Variants in NRK observed in about 807,000 individuals in gnomAD.
NRK encodes the protein Nik related kinase.
A neutral mutation model predicts 125.2 loss-of-function variants in NRK; 67 were observed. That is an observed-to-expected ratio of 0.54 (90% CI 0.44 to 0.66). The LOEUF (loss-of-function observed/expected upper bound fraction) is 0.66. Among genes scored for constraint, NRK ranks in the 30% least tolerant of loss-of-function variants. The probability of loss-of-function intolerance (pLI) is 0.00; values close to 1 mark genes in which losing one functional copy is unlikely to be tolerated. For missense variants in NRK, 1,224 were observed against 1,192.9 expected, an observed-to-expected ratio of 1.03 and a Z score of -0.38; for synonymous variants, 458 against 429.0, an observed-to-expected ratio of 1.07 and a Z score of -0.84.
At chrX:105,843,532 T>C (rs1449530355) in intron 2 of NRK, among the ~76,000 whole-genome samples, 3 of 112,421 alleles carry the variant, frequency 2.7e-5, no homozygotes, top group Non-Finnish European at 5.6e-5. Flanking sequence ...ATTCTGACTA[T>C]AAAAAGGTGG....
chrX:105,901,657 G>A (rs1215495510), intron 9 of NRK, among the ~76,000 whole-genome samples: 2 of 111,441 alleles, frequency 1.8e-5, no homozygotes, highest in Non-Finnish European at 3.8e-5. Context: ...CATAATTGTT[G>A]AAAATTCCTG....
rs1183896534 is a variant in NRK at position 105,949,725 on chromosome X, T to A, written c.4504T>A (p.Ser1502Thr). ...CCTTGAAATGTGGAAAGACATACCA[T>A]CTTCTATAGGTATGTATACAATTTA... is the stretch of plus-strand genomic sequence containing the variant. Reference protein sequence around the residue: ...KILEMWKDIPSSIAFECTQRT... With the variant: ...KILEMWKDIPTSIAFECTQRT... The change falls in exon 27 of 29, where the codon TCT (serine) becomes ACT (threonine). Residue 1502 changes from serine (S) to threonine (T), a missense_variant. Physicochemically the swap from Ser to Thr is moderately conservative, Grantham distance 58. Transcript: ENST00000243300. The A allele has an allele frequency of 1.7e-6, 2 of 1,182,855 alleles. No individual in the cohort carries two copies. Among genetic ancestry groups the A allele is most frequent in the Non-Finnish European group, 2.3e-6 (2 of 872,340 alleles).
chrX:105,853,659 A>G (rs1196549121), intron 2 of NRK, among the ~76,000 whole-genome samples: 1 of 112,432 alleles, frequency 8.9e-6, no homozygotes, highest in Admixed American at 9.4e-5. Flanking sequence ...TCCCCATGTC[A>G]GGCATATAAG....
chrX:105,928,288 A>G (rs1219046479), intron 19 of NRK, among the ~76,000 whole-genome samples: 1 of 111,181 alleles, frequency 9.0e-6, no homozygotes, highest in East Asian at 2.8e-4. Flanking sequence ...GTAGTTTTTC[A>G]TAATAGTCTC....
intron 26 of NRK, chrX:105,948,576 A>C: frequency 2.2e-6 from 1 of 447,411 alleles, no homozygotes; most frequent in Non-Finnish European, 3.9e-6. Context: ...TTATTAAGAC[A>C]ACCTTCTTTC....
intron 2 of NRK, among the ~76,000 whole-genome samples, chrX:105,835,754 C>T (rs2147645678): frequency 9.1e-6 from 1 of 109,918 alleles, no homozygotes; most frequent in Non-Finnish European, 1.9e-5. Context: ...GGAACTGGAC[C>T]TGGTTTCCTA....
intron 15 of NRK, among the ~76,000 whole-genome samples, chrX:105,916,949 A>G (rs751400029): frequency 3.0e-4 from 34 of 111,601 alleles, no homozygotes; most frequent in African/African-American, 1.1e-3. Context: ...GGGGCCATGG[A>G]AAAAAGTTTG....
chrX:105,890,693 G>A (rs937273085), intron 5 of NRK, among the ~76,000 whole-genome samples: 1 of 111,354 alleles, frequency 9.0e-6, no homozygotes, highest in African/African-American at 3.3e-5. Flanking sequence ...CTCAAATCTC[G>A]TGACACTTAT....
At chrX:105,831,221 A>C (rs2039187376) in intron 2 of NRK, 102 bp downstream of exon 2, 1 of 519,411 alleles carries the variant, frequency 1.9e-6, no homozygotes, top group Non-Finnish European at 3.2e-6. Context: ...ATGGCATTTC[A>C]CTTTGAGAGA....
intron 7 of NRK, 80 bp downstream of exon 7, chrX:105,895,603 A>G (rs904428759): frequency 9.2e-5 from 59 of 644,781 alleles, no homozygotes; most frequent in Non-Finnish European, 1.4e-4. Context: ...GCTTTCTATC[A>G]TGTCCCTGCC....
chrX:105,824,190 A>G (rs186757845), intron 1 of NRK, among the ~76,000 whole-genome samples: 76 of 112,176 alleles, frequency 6.8e-4, no homozygotes, highest in African/African-American at 2.0e-3. Flanking sequence ...TAGTGTTGCA[A>G]TTATTTATGC....
chrX:105,923,095 A>G, intron 17 of NRK, 23 bp from the exon 18 acceptor site: 1 of 1,173,674 alleles, frequency 8.5e-7, no homozygotes, highest in Non-Finnish European at 1.1e-6. Flanking sequence ...TAGAGGCTAC[A>G]TTAACCTTTC....
In NRK at chrX:105,923,425, A is replaced by G. The variant is rs371339898; in HGVS notation, c.2918A>G (p.Asn973Ser). 1.4e-5 allele frequency: 16 copies of G among 1,148,027 alleles called. No individual in the cohort carries two copies. Among genetic ancestry groups the G allele is most frequent in the African/African-American group, 3.6e-5 (2 of 55,151 alleles). 94.6% of individuals were successfully genotyped at this position (1,148,027 alleles called of 1,213,427 possible). A position where few individuals can be genotyped will look rare whatever the true frequency, so the allele number is the denominator to read the frequency against. The change falls in exon 18 of 29, where the codon AAC becomes AGC. Residue 973 changes from asparagine (N) to serine (S), a missense_variant. By Grantham distance (46) the Asn-to-Ser change is conservative. Coordinates refer to ENST00000243300, the MANE Select transcript of NRK (RefSeq NM_198465.4). ...NDVCKDHDDD[N>S]NKFVDDVNNN... ...GTTTGTAAAGACCATGATGATGACAACAATAAGTTTGTTGATGATGTAAAT... is the reference window on the plus strand; with the variant it reads ...GTTTGTAAAGACCATGATGATGACAGCAATAAGTTTGTTGATGATGTAAAT...
intron 2 of NRK, among the ~76,000 whole-genome samples, chrX:105,874,044 C>T (rs2039783288): frequency 9.0e-6 from 1 of 111,637 alleles, no homozygotes; most frequent in African/African-American, 3.2e-5. Context: ...TTTTTTCTGA[C>T]ATTTTCTGTA....
chrX:105,903,817 A>G (rs1439908218), intron 9 of NRK, among the ~76,000 whole-genome samples: 1 of 111,792 alleles, frequency 8.9e-6, no homozygotes, highest in Non-Finnish European at 1.9e-5. Context: ...ATAAATGACA[A>G]CTGCTTAATA....
At chrX:105,821,945 G>T (rs1195500254), upstream of NRK, among the ~76,000 whole-genome samples, 2 of 112,103 alleles carry the variant, frequency 1.8e-5, no homozygotes, top group East Asian at 5.7e-4. Flanking sequence ...TAATGGCTTT[G>T]AAGGCCAAGC....
At chrX:105,896,905 A>C (rs922498366) in intron 7 of NRK, among the ~76,000 whole-genome samples, 2 of 111,920 alleles carry the variant, frequency 1.8e-5, no homozygotes, top group African/African-American at 6.6e-5. Context: ...CATACTTCAC[A>C]TTTAAATACG....
chrX:105,932,255 C>T (rs1293482860), intron 19 of NRK, among the ~76,000 whole-genome samples: 1 of 111,678 alleles, frequency 9.0e-6, no homozygotes, highest in Non-Finnish European at 1.9e-5. Flanking sequence ...GTTGTTTCCA[C>T]CTTTTGGTTA....
chrX:105,878,771 T>C (rs774836821), intron 2 of NRK, among the ~76,000 whole-genome samples: 1 of 111,430 alleles, frequency 9.0e-6, no homozygotes, highest in Admixed American at 9.6e-5. Flanking sequence ...TTCTGGACAT[T>C]TCCTTGTGCC....
Sources: gnomAD v4.1 joint callset for allele counts (sites outside exome capture counted in the v4.1 genomes callset) on GRCh38, gnomAD v4.1.1 for gene constraint, MANE v1.5 for transcripts, NCBI Gene and HGNC (gene_info 2026-07-23, HGNC 2026-07-21) for gene names.